DCAF8: variants seen among roughly 807,000 people sequenced by gnomAD.
DCAF8 encodes DDB1- and CUL4-associated factor 8.
A neutral mutation model predicts 68.0 loss-of-function variants in DCAF8; 20 were observed. The observed-to-expected ratio is 0.29, with a 90% confidence interval of 0.21 to 0.43. The LOEUF (loss-of-function observed/expected upper bound fraction) is 0.43. Ranked by LOEUF, DCAF8 falls within the 20% of genes least tolerant of loss-of-function variation. The pLI, the probability that DCAF8 is intolerant of heterozygous loss-of-function variation, is 1.00. For synonymous variants in DCAF8, 230 were observed against 276.9 expected (o/e 0.83, Z 1.68); for missense variants, 460 against 771.0 (o/e 0.60, Z 4.78).
At chr1:160,231,475 G>A (rs1655682006) in intron 6 of DCAF8, 68 bp from the exon 7 acceptor site, 1 of 1,126,814 alleles carries the variant, frequency 8.9e-7, no homozygotes, top group African/African-American at 1.5e-5. Flanking sequence ...GCAAAGGAGA[G>A]CCAAGAGAGT....
At chr1:160,235,196 T>C (rs886423691) in intron 6 of DCAF8, among the ~76,000 whole-genome samples, 2 of 152,068 alleles carry the variant, frequency 1.3e-5, no homozygotes, top group African/African-American at 2.4e-5. Context: ...TACAGTGGCA[T>C]GATCTCAGCT....
chr1:160,246,201 A>G (rs190776456), intron 2 of DCAF8, among the ~76,000 whole-genome samples: 3 of 152,130 alleles, frequency 2.0e-5, no homozygotes, highest in Non-Finnish European at 4.4e-5. Flanking sequence ...GTGTAACATG[A>G]AGAACAGATC....
chr1:160,259,563 A>G (rs1656982709), intron 2 of DCAF8, among the ~76,000 whole-genome samples: 1 of 151,952 alleles, frequency 6.6e-6, no homozygotes, highest in South Asian at 2.1e-4. Flanking sequence ...AAACCTCTTC[A>G]TTCCTAACTC....
intron 7 of DCAF8, among the ~76,000 whole-genome samples, chr1:160,227,971 T>C (rs1655534608): frequency 6.6e-6 from 1 of 152,142 alleles, no homozygotes; most frequent in Admixed American, 6.5e-5. Flanking sequence ...CACAGCTCAC[T>C]GTAGCCTCAA....
intron 8 of DCAF8, 53 bp downstream of exon 8, chr1:160,225,538 C>T: frequency 7.0e-7 from 1 of 1,423,844 alleles, no homozygotes; most frequent in Non-Finnish European, 9.9e-7. Context: ...TCAGGTGCAG[C>T]CTTGGGGTTG....
chr1:160,238,610 G>T lies in DCAF8; in HGVS notation c.861C>A (p.His287Gln). ...KRVAQHKGAS[H>Q]KLALEPDSPC... The stretch of plus-strand genomic sequence containing the variant: ...TTTGGAGCAAGGTCTTACTTACCTT[G>T]TGGGACGCTCCCTTGTGCTGGGCCA... The change falls in exon 5 of 14, where the codon CAC (histidine) becomes CAA (glutamine). Residue 287 changes from histidine (H) to glutamine (Q), a missense_variant. Physicochemically the swap from His to Gln is conservative, Grantham distance 24 (BLOSUM62 0). Transcript: ENST00000368074. The T allele has an allele frequency of 6.2e-7, 1 of 1,601,110 alleles. No homozygotes were observed. Among genetic ancestry groups the T allele is most frequent in the Non-Finnish European group, 8.5e-7 (1 of 1,174,188 alleles).
rs1318638557 is a variant in DCAF8, at chr1:160,224,433, C to CA, written c.1309+8dup. 20 of 1,605,196 alleles carry CA rather than the reference C, an allele frequency of 1.2e-5. No individual in the cohort carries two copies. Among genetic ancestry groups the CA allele is most frequent in the Non-Finnish European group, 1.5e-5 (18 of 1,171,984 alleles). ...CTTGGGCCAAAGAAACCTAGGAAGA[C>CA]AGTCTCACCTGTGGCATTATTTCTG... On this transcript the variant is annotated intron_variant, in intron 10 of 13. Coordinates refer to ENST00000368074, the MANE Select transcript of DCAF8 (RefSeq NM_015726.4).
At chr1:160,224,616 T>A (rs1655407918) in intron 9 of DCAF8, 67 bp from the exon 10 acceptor site, 2 of 1,288,654 alleles carry the variant, frequency 1.6e-6, no homozygotes. Flanking sequence ...GAGGTGGGGG[T>A]TGGGGTGGGG....
intron 7 of DCAF8, among the ~76,000 whole-genome samples, chr1:160,228,258 G>A (rs896536918): frequency 6.6e-6 from 1 of 152,018 alleles, no homozygotes; most frequent in African/African-American, 2.4e-5. Flanking sequence ...GTAAGGAATA[G>A]TGTGCACACC....
At chr1:160,257,259 T>C (rs1385435100) in intron 2 of DCAF8, among the ~76,000 whole-genome samples, 1 of 149,242 alleles carries the variant, frequency 6.7e-6, no homozygotes, top group African/African-American at 2.6e-5. Flanking sequence ...AGCTCACTGA[T>C]AATCTGCTTT....
At chr1:160,233,173 C>G (rs1354565761) in intron 6 of DCAF8, among the ~76,000 whole-genome samples, 1 of 152,206 alleles carries the variant, frequency 6.6e-6, no homozygotes, top group Non-Finnish European at 1.5e-5. Flanking sequence ...ATCCTTTCTG[C>G]ATAGCCAAAG....
At chr1:160,247,123 T>C (rs927900852) in intron 2 of DCAF8, among the ~76,000 whole-genome samples, 1 of 152,242 alleles carries the variant, frequency 6.6e-6, no homozygotes, top group Non-Finnish European at 1.5e-5. Flanking sequence ...TCAACTTTCA[T>C]GTAAAATCTA....
chr1:160,226,907 C>T (rs1285348998), intron 7 of DCAF8, among the ~76,000 whole-genome samples: 1 of 152,190 alleles, frequency 6.6e-6, no homozygotes, highest in East Asian at 1.9e-4. Flanking sequence ...TCTGCAGACA[C>T]AGATGTAAGT....
At chr1:160,245,648 AAC>A (rs1224586002) in intron 2 of DCAF8, among the ~76,000 whole-genome samples, 2 of 152,232 alleles carry the variant, frequency 1.3e-5, no homozygotes, top group Admixed American at 1.3e-4. Context: ...GGCAACAAAA[AAC>A]AGATATGTGA....
chr1:160,223,075 C>T (rs1655349914), intron 10 of DCAF8, among the ~76,000 whole-genome samples: 1 of 152,222 alleles, frequency 6.6e-6, no homozygotes, highest in African/African-American at 2.4e-5. Flanking sequence ...CACCCTGAAT[C>T]ATCCCAGCTC....
intron 6 of DCAF8, among the ~76,000 whole-genome samples, chr1:160,233,251 T>C (rs1408737715): frequency 6.6e-6 from 1 of 152,170 alleles, no homozygotes. Context: ...CAGCTTTTCA[T>C]TAAATGAATA....
intron 10 of DCAF8, 61 bp from the exon 11 acceptor site, chr1:160,222,842 A>G (rs1467335543): frequency 1.2e-6 from 2 of 1,601,554 alleles, no homozygotes; most frequent in African/African-American, 2.7e-5. Flanking sequence ...ATATACATTC[A>G]TCTCAAAGGG....
At chr1:160,228,480 A>G (rs1655553638) in intron 7 of DCAF8, among the ~76,000 whole-genome samples, 2 of 152,202 alleles carry the variant, frequency 1.3e-5, no homozygotes, top group Non-Finnish European at 2.9e-5. Flanking sequence ...AGCCAAATTT[A>G]CCACTAAAGG....
chr1:160,233,025 G>A (rs889262917), intron 6 of DCAF8, among the ~76,000 whole-genome samples: 2 of 152,110 alleles, frequency 1.3e-5, no homozygotes, highest in Non-Finnish European at 2.9e-5. Context: ...GCAAAGGAAA[G>A]ACTTCAAGAA....
Sources: allele counts gnomAD v4.1 joint callset (sites outside exome capture counted in the v4.1 genomes callset), GRCh38; gene constraint gnomAD v4.1.1; transcripts MANE v1.5; gene names NCBI Gene and HGNC (gene_info 2026-07-23, HGNC 2026-07-21).